Variants in VAV2 observed in about 807,000 individuals in gnomAD.
VAV2 encodes the protein vav guanine nucleotide exchange factor 2, also known as guanine nucleotide exchange factor VAV2.
A neutral mutation model predicts 132.5 loss-of-function variants in VAV2; 67 were observed. The ratio of observed to expected loss-of-function variants is 0.51; its 90% CI spans 0.42 to 0.62. VAV2 has a LOEUF of 0.62. VAV2 is among the 20% of genes least tolerant of loss of function. VAV2 has a pLI of 0.00. For synonymous variants in VAV2, 492 were observed against 443.5 expected, an observed-to-expected ratio of 1.11 and a Z score of -1.37; for missense variants, 938 against 1,153.6, an observed-to-expected ratio of 0.81 and a Z score of 2.71.
Position 133,763,612 on chromosome 9 carries a change from C to T in VAV2, c.*450G>A. 5.7e-6 allele frequency: 1 copy of T among 174,242 alleles called. No individual in the cohort carries two copies. The highest frequency in any genetic ancestry group is 1.4e-4 in the South Asian group (1 of 6,974). The allele number at this position is 174,242 out of a possible 1,614,324, so 10.8% of individuals were successfully genotyped here. A position where few individuals can be genotyped will look rare whatever the true frequency, so the allele number is the denominator to read the frequency against. ...TCCCCCTGGGAGCAGCAGGAAAAGA[C>T]AGGCAAGGCTGAGTCCAGGGGCTGA... On this transcript the variant is annotated 3_prime_UTR_variant, in exon 30 of 30. Transcript: ENST00000371850. This position sits in a 1 kb window ranked among gnomAD's most constrained non-coding sequence, Gnocchi z 6.8.
intron 2 of VAV2, among the ~76,000 whole-genome samples, chr9:133,893,814 C>A (rs566925229): frequency 6.6e-6 from 1 of 152,200 alleles, no homozygotes; most frequent in African/African-American, 2.4e-5. Context: ...GTCCAACTAC[C>A]GCCCCTGAAA....
chr9:133,916,871 G>C (rs1840110193), intron 2 of VAV2, among the ~76,000 whole-genome samples: 1 of 152,176 alleles, frequency 6.6e-6, no homozygotes, highest in South Asian at 2.1e-4. Flanking sequence ...TCCCGGCTCT[G>C]CCATTGTCTG....
intron 1 of VAV2, among the ~76,000 whole-genome samples, chr9:133,978,305 G>A (rs922123328): frequency 1.3e-5 from 2 of 152,218 alleles, no homozygotes; most frequent in Admixed American, 6.5e-5. Context: ...GTGGAAGGAT[G>A]ACCCTGGAGG....
At chr9:133,878,494 G>C (rs139675054) in intron 2 of VAV2, among the ~76,000 whole-genome samples, 6 of 152,276 alleles carry the variant, frequency 3.9e-5, no homozygotes, top group East Asian at 1.9e-4. Context: ...AGCGGCACCC[G>C]CAAGAGTAAG....
chr9:133,825,078 C>T (rs576895992), intron 4 of VAV2, among the ~76,000 whole-genome samples: 4 of 152,254 alleles, frequency 2.6e-5, no homozygotes, highest in Non-Finnish European at 4.4e-5. Flanking sequence ...CAGGTGGGGC[C>T]GAGCACGCAG....
At chr9:133,905,292 C>A (rs1482213323) in intron 2 of VAV2, among the ~76,000 whole-genome samples, 1 of 151,572 alleles carries the variant, frequency 6.6e-6, no homozygotes, top group Admixed American at 6.6e-5. Context: ...AAAAATTAGC[C>A]GGGCGTGGTG....
intron 9 of VAV2, among the ~76,000 whole-genome samples, chr9:133,798,890 T>C (rs775987916): frequency 1.2e-4 from 19 of 152,314 alleles, no homozygotes; most frequent in Non-Finnish European, 2.2e-4. Flanking sequence ...CCTGGTGATA[T>C]GCTCTCTGGC....
At chr9:133,900,078 G>A (rs1839382611) in intron 2 of VAV2, among the ~76,000 whole-genome samples, 1 of 150,202 alleles carries the variant, frequency 6.7e-6, no homozygotes, top group African/African-American at 2.4e-5. Context: ...ACATGCCTGT[G>A]GTCCCAGCTA....
At chr9:133,806,404 C>T (rs954936469) in intron 8 of VAV2, among the ~76,000 whole-genome samples, 2 of 152,160 alleles carry the variant, frequency 1.3e-5, no homozygotes, top group African/African-American at 2.4e-5. Context: ...GGAGGGAAGC[C>T]GCCCACAGCC....
chr9:133,860,318 C>A (rs1447904420), intron 3 of VAV2, among the ~76,000 whole-genome samples: 4 of 151,688 alleles, frequency 2.6e-5, no homozygotes, highest in African/African-American at 9.7e-5. Context: ...AAAAAAAAGT[C>A]TATCCTATAT....
rs2131946447 is a variant in VAV2 at position 133,883,548 on chromosome 9, A to G, written c.322-22116T>C. Among the ~76,000 whole-genome samples the G allele has an allele frequency of 6.6e-6, 1 of 152,322 alleles. No homozygotes were observed. The highest frequency in any genetic ancestry group is 1.9e-4 in the East Asian group (1 of 5,182). Reference sequence around the variant, plus strand: ...CTCCCAAGTCATCCCCAGCCACGGCAGGCAGACAGCCCAGCAGAGACTCCC... The same window carrying G: ...CTCCCAAGTCATCCCCAGCCACGGCGGGCAGACAGCCCAGCAGAGACTCCC... On this transcript the variant is annotated intron_variant, in intron 2 of 29. Coordinates refer to ENST00000371850, the MANE Select transcript of VAV2 (RefSeq NM_001134398.2). This position sits in a 1 kb window ranked among gnomAD's most constrained non-coding sequence, Gnocchi z 4.2.
chr9:133,792,335 A>T, intron 12 of VAV2, among the ~76,000 whole-genome samples: 1 of 102,002 alleles, frequency 9.8e-6, no homozygotes, highest in Admixed American at 1.0e-4. Flanking sequence ...TGTATGTGTG[A>T]GTGAGCTGTG....
intron 2 of VAV2, among the ~76,000 whole-genome samples, chr9:133,894,135 C>T (rs1368454726): frequency 6.6e-6 from 1 of 152,242 alleles, no homozygotes; most frequent in Non-Finnish European, 1.5e-5. Context: ...GAGGTCACCT[C>T]GCTGGATCCG....
In VAV2 at chr9:133,772,006, CCTT is replaced by C; in HGVS notation, c.2173_2175del (p.Lys725del). On this transcript the variant is annotated inframe_deletion, in exon 26 of 30. Coordinates refer to ENST00000371850, the MANE Select transcript of VAV2 (RefSeq NM_001134398.2). The stretch of plus-strand genomic sequence containing the variant: ...GCCTCTGTGATGTGGATCCAGTTGT[CCTT>C]CTCCACCACCTTGATGTGCTTCACC... 1 of 1,537,982 alleles carries C rather than the reference CCTT, an allele frequency of 6.5e-7. No individual in the cohort carries two copies. Among genetic ancestry groups the C allele is most frequent in the Non-Finnish European group, 8.8e-7 (1 of 1,134,768 alleles).
At chr9:133,905,161 G>A (rs557869650) in intron 2 of VAV2, among the ~76,000 whole-genome samples, 2 of 152,296 alleles carry the variant, frequency 1.3e-5, no homozygotes, top group South Asian at 4.1e-4. Flanking sequence ...GGGCGCGGTG[G>A]CTCACGCCTG....
intron 1 of VAV2, among the ~76,000 whole-genome samples, chr9:133,977,314 C>T (rs564692953): frequency 1.2e-4 from 19 of 152,280 alleles, no homozygotes; most frequent in Non-Finnish European, 1.8e-4. Context: ...AAAATGACTG[C>T]GGGATCATTT....
Position 133,788,243 on chromosome 9 carries a change from C to CCCCAA in VAV2, c.1407+110_1407+111insTTGGG. 2.4e-5 allele frequency: 32 copies of CCCCAA among 1,310,434 alleles called. No individual in the cohort carries two copies. The highest frequency in any genetic ancestry group is 3.1e-5 in the Non-Finnish European group (29 of 948,718). 81.2% of individuals were successfully genotyped at this position (1,310,434 alleles called of 1,614,324 possible). On this transcript the variant is annotated intron_variant, in intron 15 of 29. Coordinates refer to ENST00000371850, the MANE Select transcript of VAV2 (RefSeq NM_001134398.2). The surrounding 1 kb of genome is among the most constrained non-coding windows in gnomAD (Gnocchi z 5.3). ...AGACGCCCACCCCAACCCACCCGGC[C>CCCCAA]AGCATCAGCGGCTGACTTCGAGTCC...
At chr9:133,947,782 G>A (rs1219361236) in intron 1 of VAV2, among the ~76,000 whole-genome samples, 3 of 151,684 alleles carry the variant, frequency 2.0e-5, no homozygotes, top group East Asian at 1.9e-4. Context: ...GGGCCCCCGC[G>A]CTATGGCCTT....
In VAV2 at chr9:133,826,472, C is replaced by G. The variant is rs1213499258; in HGVS notation, c.449+7800G>C. On this transcript the variant is annotated intron_variant, in intron 4 of 29. Coordinates refer to ENST00000371850, the MANE Select transcript of VAV2 (RefSeq NM_001134398.2). This position sits in a 1 kb window ranked among gnomAD's most constrained non-coding sequence, Gnocchi z 4.2. ...CAGAGCCTGGCTGTGTCTAGGATCACTCCCTCCTCATGCAGCCACCGGAGT... is the reference window on the plus strand; with the variant it reads ...CAGAGCCTGGCTGTGTCTAGGATCAGTCCCTCCTCATGCAGCCACCGGAGT... 6.6e-6 allele frequency among the ~76,000 whole-genome samples: 1 copy of G among 152,184 alleles called. No individual in the cohort carries two copies. The highest frequency in any genetic ancestry group is 1.5e-5 in the Non-Finnish European group (1 of 68,024).
Sources: allele counts gnomAD v4.1 joint callset (sites outside exome capture counted in the v4.1 genomes callset), GRCh38; gene constraint gnomAD v4.1.1; non-coding constraint Gnocchi (gnomAD v3.1); transcripts MANE v1.5; gene names NCBI Gene and HGNC (gene_info 2026-07-23, HGNC 2026-07-21).